Variants in CSMD3 observed in about 807,000 individuals in gnomAD.
CSMD3 encodes the protein CUB and Sushi multiple domains 3, also known as CUB and sushi domain-containing protein 3.
CSMD3 carries 177 observed loss-of-function variants against 435.2 expected under a neutral mutation model. The ratio of observed to expected loss-of-function variants is 0.41; its 90% CI spans 0.36 to 0.46. CSMD3 has a LOEUF of 0.46. Among genes scored for constraint, CSMD3 ranks in the 20% least tolerant of loss-of-function variants. The pLI is 0.34. For missense variants in CSMD3, 4,265 were observed against 4,504.6 expected (o/e 0.95, Z 1.52); for synonymous variants, 1,656 against 1,520.5 (o/e 1.09, Z -2.07).
At chr8:112,242,141 G>T (rs1352864960) in intron 65 of CSMD3, among the ~76,000 whole-genome samples, 1 of 152,086 alleles carries the variant, frequency 6.6e-6, no homozygotes, top group African/African-American at 2.4e-5. Flanking sequence ...AGTTGTTTTT[G>T]TTGACAGAAA....
At chr8:112,707,054 G>A (rs1427686540) in intron 13 of CSMD3, among the ~76,000 whole-genome samples, 1 of 151,960 alleles carries the variant, frequency 6.6e-6, no homozygotes, top group Admixed American at 6.6e-5. Context: ...GAGTTTGCAA[G>A]CAAGGATAGA....
At chr8:112,984,559 T>G (rs933725338) in intron 6 of CSMD3, among the ~76,000 whole-genome samples, 5 of 152,096 alleles carry the variant, frequency 3.3e-5, no homozygotes, top group Admixed American at 3.3e-4. Context: ...GTGATACAAA[T>G]TAGAAGGTTA....
intron 5 of CSMD3, among the ~76,000 whole-genome samples, chr8:113,063,736 T>C (rs2088719699): frequency 6.6e-6 from 1 of 151,900 alleles, no homozygotes. Context: ...GTTTGTCAAA[T>C]TGAAGATATC....
At position 112,677,653 on chromosome 8, in the gene CSMD3, T is replaced by C. The variant is rs760040131; in HGVS notation, c.2677+4789A>G. Among the ~76,000 whole-genome samples the C allele has an allele frequency of 1.0e-3, 157 of 151,770 alleles. 2 individuals are homozygous for C. Among genetic ancestry groups the C allele is most frequent in the Non-Finnish European group, 9.3e-4 (63 of 67,954 alleles). On this transcript the variant is annotated intron_variant, in intron 16 of 70. Transcript: ENST00000297405. ...AGAGAGTACTTTGAATTTGAAATGA[T>C]CATTTGGGGGAGAATGCACAATTCA...
chr8:113,104,729 C>T (rs2090426072), intron 4 of CSMD3, among the ~76,000 whole-genome samples: 1 of 152,020 alleles, frequency 6.6e-6, no homozygotes, highest in Non-Finnish European at 1.5e-5. Context: ...TTCAGTCAAG[C>T]TACCTCAGTT....
At chr8:113,141,398 T>G (rs1388138490) in intron 4 of CSMD3, among the ~76,000 whole-genome samples, 1 of 150,876 alleles carries the variant, frequency 6.6e-6, no homozygotes, top group East Asian at 1.9e-4. Context: ...CTAATCAGTA[T>G]GTCAATATCC....
intron 5 of CSMD3, among the ~76,000 whole-genome samples, chr8:113,057,558 TG>T (rs987177707): frequency 3.3e-5 from 5 of 152,076 alleles, no homozygotes; most frequent in African/African-American, 1.2e-4. Flanking sequence ...ATTATAATTT[TG>T]GCCATATTAT....
At chr8:113,027,527 A>G (rs879636801) in intron 5 of CSMD3, among the ~76,000 whole-genome samples, 1 of 152,160 alleles carries the variant, frequency 6.6e-6, no homozygotes, top group Non-Finnish European at 1.5e-5. Flanking sequence ...TAGATGCCTG[A>G]CTGTGCTATT....
At chr8:112,883,673 C>T (rs1235544595) in intron 10 of CSMD3, among the ~76,000 whole-genome samples, 1 of 151,850 alleles carries the variant, frequency 6.6e-6, no homozygotes, top group Non-Finnish European at 1.5e-5. Flanking sequence ...GTACATTTGT[C>T]AAAACTAAGA....
chr8:113,422,405 G>A (rs540300086), intron 1 of CSMD3, among the ~76,000 whole-genome samples: 5 of 152,242 alleles, frequency 3.3e-5, no homozygotes, highest in South Asian at 2.1e-4. Context: ...TGCTGATCTC[G>A]CAAAGATCAC....
chr8:112,665,295 T>C (rs1468173373), intron 17 of CSMD3, among the ~76,000 whole-genome samples: 3 of 152,190 alleles, frequency 2.0e-5, no homozygotes, highest in East Asian at 1.9e-4. Flanking sequence ...TCATGAATGG[T>C]TCTTTGCTCA....
Position 112,957,769 on chromosome 8 carries a change from G to A in CSMD3, c.1343-3008C>T, listed in dbSNP as rs187162792. Among the ~76,000 whole-genome samples, 119 of 115,832 alleles carry A rather than the reference G, an allele frequency of 1.0e-3. 1 individual carries two copies. Among genetic ancestry groups the A allele is most frequent in the African/African-American group, 3.8e-3 (115 of 30,170 alleles). 76.0% of individuals were successfully genotyped at this position (115,832 alleles called of 152,430 possible). ...GGCGTGTTTGTGTGTTTTTTGAGAC[G>A]GAGTCTCGCTCAGTCGCCCAGGCTG... On this transcript the variant is annotated intron_variant, in intron 7 of 70. Coordinates refer to ENST00000297405, the MANE Select transcript of CSMD3 (RefSeq NM_198123.2).
chr8:112,860,778 A>G (rs1334956722), intron 10 of CSMD3, among the ~76,000 whole-genome samples: 5 of 151,806 alleles, frequency 3.3e-5, no homozygotes, highest in African/African-American at 1.2e-4. Context: ...GTTCTGCTCT[A>G]CCATATTATT....
chr8:113,008,272 T>C (rs923909475), intron 6 of CSMD3, among the ~76,000 whole-genome samples: 2 of 151,762 alleles, frequency 1.3e-5, no homozygotes, highest in African/African-American at 2.4e-5. Context: ...ACAATAATCA[T>C]AGAAAATAAA....
chr8:112,525,589 C>T (rs1444606036), intron 27 of CSMD3, among the ~76,000 whole-genome samples: 2 of 148,072 alleles, frequency 1.4e-5, no homozygotes, highest in South Asian at 2.1e-4. Context: ...GGCGTGGTGG[C>T]GGGCACCTGT....
chr8:113,399,099 A>ATT (rs1302537170), intron 1 of CSMD3, among the ~76,000 whole-genome samples: 6 of 93,708 alleles, frequency 6.4e-5, no homozygotes, highest in African/African-American at 2.6e-4. Context: ...ATATATATAT[A>ATT]TATATATACA....
chr8:113,418,994 TG>T (rs1168630530), intron 1 of CSMD3, among the ~76,000 whole-genome samples: 3 of 152,176 alleles, frequency 2.0e-5, no homozygotes, highest in Non-Finnish European at 4.4e-5. Flanking sequence ...GCAAGAGATT[TG>T]GGGCCATCGT....
chr8:112,680,256 G>C (rs944712750), intron 16 of CSMD3, among the ~76,000 whole-genome samples: 10 of 152,160 alleles, frequency 6.6e-5, no homozygotes, highest in African/African-American at 2.2e-4. Context: ...TACTCAGGAG[G>C]CTGAGGCACA....
intron 1 of CSMD3, among the ~76,000 whole-genome samples, chr8:113,347,455 A>C (rs2132885286): frequency 6.6e-6 from 1 of 152,250 alleles, no homozygotes; most frequent in South Asian, 2.1e-4. Context: ...GTAATTCCCA[A>C]GAGTGGAGGT....
Sources: allele counts gnomAD v4.1 joint callset (sites outside exome capture counted in the v4.1 genomes callset), GRCh38; gene constraint gnomAD v4.1.1; transcripts MANE v1.5; gene names NCBI Gene and HGNC (gene_info 2026-07-23, HGNC 2026-07-21).